The following MARCHF4 variants were observed in gnomAD, a reference collection of about 807,000 sequenced individuals.
MARCHF4 encodes the protein E3 ubiquitin-protein ligase MARCHF4.
A neutral mutation model predicts 43.9 loss-of-function variants in MARCHF4; 14 were observed. The observed-to-expected ratio is 0.32, with a 90% CI of 0.21 to 0.50. The LOEUF is 0.50. Among genes scored for constraint, MARCHF4 ranks in the 20% least tolerant of loss-of-function variants. MARCHF4 has a pLI of 0.98. For synonymous variants in MARCHF4, 226 were observed against 213.3 expected (o/e 1.06, Z -0.52); for missense variants, 468 against 536.7 (o/e 0.87, Z 1.27).
chr2:216,319,386 A>G (rs1196138640), intron 1 of MARCHF4, among the ~76,000 whole-genome samples: 3 of 152,148 alleles, frequency 2.0e-5, no homozygotes, highest in Non-Finnish European at 2.9e-5. Context: ...CTGTATCCCC[A>G]GTGTTTGGAA....
chr2:216,315,644 A>G (rs906043259), intron 1 of MARCHF4, among the ~76,000 whole-genome samples: 2 of 152,236 alleles, frequency 1.3e-5, no homozygotes, highest in Non-Finnish European at 2.9e-5. Context: ...CTTACAAAAC[A>G]GCACTTTCAA....
chr2:216,324,265 G>A (rs1350762855), intron 1 of MARCHF4, among the ~76,000 whole-genome samples: 1 of 147,358 alleles, frequency 6.8e-6, no homozygotes, highest in Non-Finnish European at 1.5e-5. Context: ...ACTAAACCAG[G>A]AAGAAGTTGA....
At chr2:216,359,175 G>A (rs1692542073) in intron 1 of MARCHF4, among the ~76,000 whole-genome samples, 1 of 152,106 alleles carries the variant, frequency 6.6e-6, no homozygotes, top group East Asian at 1.9e-4. Flanking sequence ...ATCCCATATA[G>A]GACTCATAGT....
At chr2:216,285,094 T>G (rs1272229853) in intron 1 of MARCHF4, among the ~76,000 whole-genome samples, 1 of 152,160 alleles carries the variant, frequency 6.6e-6, no homozygotes, top group Non-Finnish European at 1.5e-5. Context: ...TTGCACCCCT[T>G]TCCTCCAGTG....
rs1035714030 is a variant in MARCHF4 at position 216,295,485 on chromosome 2, G to A, written c.517-11756C>T. Among the ~76,000 whole-genome samples, 4 of 152,274 alleles carry A rather than the reference G, an allele frequency of 2.6e-5. No homozygotes were observed. In the East Asian group the frequency reaches 5.8e-4, roughly 22 times the overall value. ...ATGTTGCCATGTTGGGATTACAGGC[G>A]TGAGCCACTGCACCCGGCTGTGAGA... On this transcript the variant is annotated intron_variant, in intron 1 of 3. Coordinates refer to ENST00000273067, the MANE Select transcript of MARCHF4 (RefSeq NM_020814.3).
intron 1 of MARCHF4, among the ~76,000 whole-genome samples, chr2:216,286,054 C>A (rs1206942447): frequency 6.6e-6 from 1 of 152,106 alleles, no homozygotes; most frequent in Non-Finnish European, 1.5e-5. Context: ...TCATGGGAGC[C>A]CCCTGAGCCT....
chr2:216,294,869 C>T (rs1400498353), intron 1 of MARCHF4, among the ~76,000 whole-genome samples: 1 of 152,322 alleles, frequency 6.6e-6, no homozygotes, highest in African/African-American at 2.4e-5. Flanking sequence ...AGGTGCCCAA[C>T]CCTGTATGCA....
chr2:216,294,437 A>G (rs1464746947), intron 1 of MARCHF4, among the ~76,000 whole-genome samples: 1 of 152,264 alleles, frequency 6.6e-6, no homozygotes, highest in Non-Finnish European at 1.5e-5. Flanking sequence ...ATGACAAGTT[A>G]CACTTCACTA....
rs1219556208 is a variant in MARCHF4 at position 216,369,770 on chromosome 2, C to A, written c.491G>T (p.Arg164Leu). ...LDSGMRTPLC[R>L]ICFQGPEQGE... is the part of the protein sequence containing the mutation. ...CTGTTCTGGCCCCTGGAAGCAGATG[C>A]GGCAGAGTGGGGTCCTCATACCACT... Residue 164 changes from arginine to leucine, a missense_variant, in exon 1 of 4, where the codon CGC (arginine) becomes CTC (leucine). Around this residue, in one of 3 missense-constraint regions of MARCHF4, gnomAD observed 158 missense variants for 251.1 expected, o/e 0.63. Transcript: ENST00000273067. 1.3e-6 allele frequency: 2 copies of A among 1,598,044 alleles called. No individual in the cohort carries two copies.
At chr2:216,313,231 T>C (rs992064639) in intron 1 of MARCHF4, among the ~76,000 whole-genome samples, 1 of 152,320 alleles carries the variant, frequency 6.6e-6, no homozygotes, top group Middle Eastern at 3.4e-3. Flanking sequence ...TCTGTTCCAT[T>C]GATCTATGTT....
At chr2:216,319,285 G>A (rs896440415) in intron 1 of MARCHF4, among the ~76,000 whole-genome samples, 1 of 152,096 alleles carries the variant, frequency 6.6e-6, no homozygotes, top group Non-Finnish European at 1.5e-5. Context: ...TCCAGCCTGG[G>A]CAACAGAGTG....
At chr2:216,286,188 G>A (rs2105942266) in intron 1 of MARCHF4, among the ~76,000 whole-genome samples, 1 of 152,248 alleles carries the variant, frequency 6.6e-6, no homozygotes, top group East Asian at 1.9e-4. Context: ...TTTCCTTTAG[G>A]GAGAAGAAAA....
At chr2:216,300,350 G>GTA (rs201683040) in intron 1 of MARCHF4, among the ~76,000 whole-genome samples, 13,930 of 115,678 alleles carry the variant, frequency 0.12, 757 homozygotes, top group East Asian at 0.23. Context: ...ATATATATAT[G>GTA]TATATATATA....
intron 1 of MARCHF4, among the ~76,000 whole-genome samples, chr2:216,285,831 G>A (rs1046439548): frequency 7.2e-5 from 11 of 152,192 alleles, no homozygotes; most frequent in Admixed American, 2.6e-4. Context: ...AACAGGATGA[G>A]CTGGGTTTGA....
At chr2:216,278,330 T>G (rs930646270) in intron 2 of MARCHF4, among the ~76,000 whole-genome samples, 1 of 152,142 alleles carries the variant, frequency 6.6e-6, no homozygotes, top group Non-Finnish European at 1.5e-5. Context: ...TTCACACCAT[T>G]CTCTTGCCTC....
At chr2:216,354,906 T>TCTTC (rs1692462290) in intron 1 of MARCHF4, among the ~76,000 whole-genome samples, 1 of 69,422 alleles carries the variant, frequency 1.4e-5, no homozygotes, top group Non-Finnish European at 2.7e-5. Flanking sequence ...TTTCTTTCTT[T>TCTTC]CTTTCTTTCT....
At chr2:216,289,730 G>C (rs1691277151) in intron 1 of MARCHF4, among the ~76,000 whole-genome samples, 1 of 152,192 alleles carries the variant, frequency 6.6e-6, no homozygotes, top group Non-Finnish European at 1.5e-5. Flanking sequence ...CCACTAAGTA[G>C]AAAGAAATAA....
chr2:216,286,643 C>T (rs770433317), intron 1 of MARCHF4, among the ~76,000 whole-genome samples: 4 of 152,100 alleles, frequency 2.6e-5, no homozygotes, highest in Non-Finnish European at 4.4e-5. Flanking sequence ...TGGGTGGAAT[C>T]CAGAGAAACG....
At chr2:216,317,338 T>C (rs1177961737) in intron 1 of MARCHF4, among the ~76,000 whole-genome samples, 4 of 152,210 alleles carry the variant, frequency 2.6e-5, no homozygotes, top group Non-Finnish European at 1.5e-5. Context: ...CTCTAAAACA[T>C]TAAATCCAAC....
Sources: gnomAD v4.1 joint callset for allele counts (sites outside exome capture counted in the v4.1 genomes callset) on GRCh38, gnomAD v4.1.1 for gene constraint, gnomAD v4.1.1 regional missense constraint, MANE v1.5 for transcripts, NCBI Gene and HGNC (gene_info 2026-07-23, HGNC 2026-07-21) for gene names.